Variants in BMP6 observed in about 807,000 individuals in gnomAD.
The protein encoded by BMP6 is VG-1-R.
A neutral mutation model predicts 54.1 loss-of-function variants in BMP6; 17 were observed. That is an observed-to-expected ratio of 0.31 (90% confidence interval 0.22 to 0.47). The LOEUF (loss-of-function observed/expected upper bound fraction) is 0.47, where lower values mean the gene tolerates loss of function less well. Ranked by LOEUF, BMP6 falls within the 20% of genes least tolerant of loss-of-function variation. The pLI, the probability that BMP6 is intolerant of heterozygous loss-of-function variation, is 1.00. For synonymous variants in BMP6, 328 were observed against 291.2 expected (o/e 1.13, Z -1.28); for missense variants, 720 against 690.4 (o/e 1.04, Z -0.48).
At chr6:7,744,369 G>A (rs1443258614) in intron 1 of BMP6, among the ~76,000 whole-genome samples, 1 of 152,044 alleles carries the variant, frequency 6.6e-6, no homozygotes, top group African/African-American at 2.4e-5. Context: ...CCAGCTACTC[G>A]GGAGGTTGAG....
intron 2 of BMP6, among the ~76,000 whole-genome samples, chr6:7,855,607 G>A (rs1045108311): frequency 1.5e-5 from 2 of 137,686 alleles, no homozygotes; most frequent in Non-Finnish European, 3.0e-5. Flanking sequence ...TGTCGCTCAG[G>A]CTGGGGTGCA....
intron 1 of BMP6, among the ~76,000 whole-genome samples, chr6:7,816,438 T>G (rs1758527563): frequency 6.6e-6 from 1 of 152,230 alleles, no homozygotes. Context: ...AACCCAGGTC[T>G]GTGTGACCAC....
chr6:7,774,864 G>A (rs981396241), intron 1 of BMP6, among the ~76,000 whole-genome samples: 2 of 152,184 alleles, frequency 1.3e-5, no homozygotes, highest in Non-Finnish European at 2.9e-5. Context: ...TACAATTCTG[G>A]AGGCTGGGAT....
At position 7,880,302 on chromosome 6, in the gene BMP6, A is replaced by G. The variant is rs144812010; in HGVS notation, c.1501A>G (p.Lys501Glu). The G allele has an allele frequency of 3.1e-6, 5 of 1,614,158 alleles. No homozygotes were observed. The highest frequency in any genetic ancestry group is 3.4e-6 in the Non-Finnish European group (4 of 1,180,018). ...FDDNSNVILK[K>E]YRNMVVRACG... Reference sequence around the variant, plus strand: ...TGACAACTCCAATGTCATTCTGAAAAAATACAGGAATATGGTTGTAAGAGC... The same window carrying G: ...TGACAACTCCAATGTCATTCTGAAAGAATACAGGAATATGGTTGTAAGAGC... The change falls in exon 7 of 7, where the codon AAA becomes GAA. Residue 501 changes from lysine (K) to glutamate (E), a missense_variant. By Grantham distance (56) the Lys-to-Glu change is moderately conservative (BLOSUM62 1). Transcript: ENST00000283147.
At chr6:7,863,728 G>GTTC (rs1234476974) in intron 4 of BMP6, among the ~76,000 whole-genome samples, 5 of 152,104 alleles carry the variant, frequency 3.3e-5, no homozygotes, top group Admixed American at 6.5e-5. Flanking sequence ...CTTCAGAAGT[G>GTTC]TTCTCCCTGG....
In BMP6 at chr6:7,880,531, G is replaced by A; in HGVS notation, c.*188G>A. The A allele has an allele frequency of 1.3e-6, 1 of 765,780 alleles. No homozygotes were observed. Among genetic ancestry groups the A allele is most frequent in the Admixed American group, 2.8e-5 (1 of 36,090 alleles). 47.4% of individuals were successfully genotyped at this position (765,780 alleles called of 1,614,324 possible). A position where few individuals can be genotyped will look rare whatever the true frequency, so the allele number is the denominator to read the frequency against. On this transcript the variant is annotated 3_prime_UTR_variant, in exon 7 of 7. Coordinates refer to ENST00000283147, the MANE Select transcript of BMP6 (RefSeq NM_001718.6). ...AATTTGCTCACTTGGTAAATGACGT[G>A]AGTAGTTGTTGGTCTGTAGCAAGCT...
At chr6:7,779,345 T>C (rs1757906435) in intron 1 of BMP6, among the ~76,000 whole-genome samples, 1 of 151,960 alleles carries the variant, frequency 6.6e-6, no homozygotes, top group Non-Finnish European at 1.5e-5. Context: ...TTTTTTTAAA[T>C]TTCTTGAGAT....
At chr6:7,733,744 C>T (rs1000885398) in intron 1 of BMP6, among the ~76,000 whole-genome samples, 18 of 152,188 alleles carry the variant, frequency 1.2e-4, no homozygotes, top group Non-Finnish European at 2.4e-4. Context: ...CTCTTCAACA[C>T]CCTCACTCCC....
intron 1 of BMP6, among the ~76,000 whole-genome samples, chr6:7,839,698 C>G (rs1758935146): frequency 6.6e-6 from 1 of 152,116 alleles, no homozygotes; most frequent in African/African-American, 2.4e-5. Flanking sequence ...TTGTGTTTAC[C>G]CATTCATCCG....
At position 7,830,828 on chromosome 6, in the gene BMP6, A is replaced by AGGT. The variant is rs1429783644; in HGVS notation, c.665-14312_665-14311insGGT. Among the ~76,000 whole-genome samples, 995 of 152,266 alleles carry AGGT rather than the reference A, an allele frequency of 6.5e-3. 23 individuals carry two copies. Among genetic ancestry groups the AGGT allele is most frequent in the African/African-American group, 0.023 (946 of 41,560 alleles). ...ACGGGAAAACCCACCCCCACGATTC[A>AGGT]ACTGTCTCCCACCAGGTACCTCCCA... On this transcript the variant is annotated intron_variant, in intron 1 of 6. Transcript: ENST00000283147.
intron 1 of BMP6, among the ~76,000 whole-genome samples, chr6:7,738,838 C>T (rs997600759): frequency 2.0e-5 from 3 of 152,226 alleles, no homozygotes; most frequent in Non-Finnish European, 4.4e-5. Context: ...CACTTTAAAG[C>T]ATCTCCTGTG....
chr6:7,810,880 A>G (rs572774813), intron 1 of BMP6, among the ~76,000 whole-genome samples: 1 of 152,294 alleles, frequency 6.6e-6, no homozygotes, highest in East Asian at 1.9e-4. Flanking sequence ...ATCCTTAGCT[A>G]CACGATCCTG....
intron 1 of BMP6, among the ~76,000 whole-genome samples, chr6:7,761,106 A>G (rs796813626): frequency 6.6e-6 from 1 of 152,216 alleles, no homozygotes; most frequent in Non-Finnish European, 1.5e-5. Context: ...TCAAGATTCA[A>G]GCTTTCTTCT....
At chr6:7,846,857 T>C (rs902584244) in intron 2 of BMP6, among the ~76,000 whole-genome samples, 60 of 152,260 alleles carry the variant, frequency 3.9e-4, no homozygotes, top group African/African-American at 1.4e-3. Flanking sequence ...TCAGTCTGCC[T>C]AATTATTTAT....
chr6:7,762,628 CTAAA>C (rs773153254), intron 1 of BMP6, among the ~76,000 whole-genome samples: 35 of 152,178 alleles, frequency 2.3e-4, no homozygotes, highest in Non-Finnish European at 4.1e-4. Flanking sequence ...CCCCAGCTTA[CTAAA>C]TAAATATTCT....
intron 1 of BMP6, among the ~76,000 whole-genome samples, chr6:7,737,910 A>T (rs1761978219): frequency 6.6e-6 from 1 of 152,178 alleles, no homozygotes. Flanking sequence ...ATTAATATCC[A>T]GGAGGCTTGA....
At chr6:7,861,845 G>A (rs558459460) in intron 3 of BMP6, among the ~76,000 whole-genome samples, 4 of 152,314 alleles carry the variant, frequency 2.6e-5, no homozygotes, top group South Asian at 2.1e-4. Context: ...AGAGGATGGC[G>A]ATGGGAGGAC....
intron 1 of BMP6, among the ~76,000 whole-genome samples, chr6:7,735,328 ATATCATTGG>A (rs1429771642): frequency 6.6e-6 from 1 of 152,244 alleles, no homozygotes; most frequent in Non-Finnish European, 1.5e-5. Context: ...TGAGTGAACC[ATATCATTGG>A]TAAGAGCTGA....
chr6:7,754,006 G>A (rs1159811770), intron 1 of BMP6, among the ~76,000 whole-genome samples: 1 of 152,010 alleles, frequency 6.6e-6, no homozygotes, highest in Non-Finnish European at 1.5e-5. Flanking sequence ...TGATCTTGGT[G>A]GATGCTTCCT....
Sources: allele counts gnomAD v4.1 joint callset (sites outside exome capture counted in the v4.1 genomes callset), GRCh38; gene constraint gnomAD v4.1.1; transcripts MANE v1.5; gene names NCBI Gene and HGNC (gene_info 2026-07-23, HGNC 2026-07-21).